Variants in NUDT7 observed in about 807,000 individuals in gnomAD.
NUDT7 encodes the protein peroxisomal coenzyme A diphosphatase NUDT7.
A neutral mutation model predicts 13.1 loss-of-function variants in NUDT7; 19 were observed. That is an observed-to-expected ratio of 1.45 (90% CI 1.01 to 2.13). NUDT7 has a LOEUF of 2.13. Among genes scored for constraint, NUDT7 ranks in the 30% most tolerant of loss-of-function variants. NUDT7 has a pLI of 0.00. For synonymous variants in NUDT7, 132 were observed against 109.7 expected, an observed-to-expected ratio of 1.20 and a Z score of -1.27; for missense variants, 360 against 291.7, an observed-to-expected ratio of 1.23 and a Z score of -1.71.
At chr16:77,732,103 G>A (rs1228628715) in intron 2 of NUDT7, among the ~76,000 whole-genome samples, 3 of 152,118 alleles carry the variant, frequency 2.0e-5, no homozygotes, top group Non-Finnish European at 4.4e-5. Context: ...AAGGTGGAGG[G>A]AACCATCTGA....
chr16:77,738,479 C>T (rs1299145132), intron 3 of NUDT7, among the ~76,000 whole-genome samples: 1 of 152,176 alleles, frequency 6.6e-6, no homozygotes, highest in Non-Finnish European at 1.5e-5. Flanking sequence ...AAATGTATCA[C>T]AAAAATGCCA....
intron 2 of NUDT7, among the ~76,000 whole-genome samples, chr16:77,734,903 G>C (rs908776721): frequency 6.6e-6 from 1 of 152,016 alleles, no homozygotes; most frequent in East Asian, 1.9e-4. Flanking sequence ...AAATATTCTG[G>C]AATGAGATAG....
chr16:77,741,480 G>A (rs1278640125), intron 3 of NUDT7, 102 bp from the exon 4 acceptor site: 52 of 1,230,862 alleles, frequency 4.2e-5, no homozygotes, highest in Non-Finnish European at 5.5e-5. Flanking sequence ...CTTCTCCCAG[G>A]TTCGGTGTAT....
Position 77,727,161 on chromosome 16 carries a change from G to C in NUDT7, c.189+1577G>C, listed in dbSNP as rs60206403. Among the ~76,000 whole-genome samples, 3 of 152,030 alleles carry C rather than the reference G, an allele frequency of 2.0e-5. No homozygotes were observed. The East Asian group carries it at 5.8e-4, about 29-fold the overall frequency. ...GGACTCCAGTTCAACATGAGATTTG[G>C]GCAAGGACAAATATCGAAACTCTAC... On this transcript the variant is annotated intron_variant, in intron 2 of 3. Transcript: ENST00000268533.
chr16:77,722,923 G>A (rs1421074718), intron 1 of NUDT7, among the ~76,000 whole-genome samples: 1 of 152,152 alleles, frequency 6.6e-6, no homozygotes, highest in African/African-American at 2.4e-5. Flanking sequence ...CCCGACAGTG[G>A]CACAGACCCG....
intron 2 of NUDT7, among the ~76,000 whole-genome samples, chr16:77,729,665 A>C (rs1395241574): frequency 1.3e-5 from 2 of 152,196 alleles, no homozygotes; most frequent in South Asian, 4.2e-4. Context: ...ATCTCTACTA[A>C]AAATGCAAAA....
At chr16:77,726,915 A>C (rs1384655660) in intron 2 of NUDT7, among the ~76,000 whole-genome samples, 2 of 151,944 alleles carry the variant, frequency 1.3e-5, no homozygotes, top group Non-Finnish European at 2.9e-5. Context: ...GCATCTGCTC[A>C]GTTTCTGGAA....
At chr16:77,722,763 C>G (rs1314649099) in intron 1 of NUDT7, 146 bp downstream of exon 1, 3 of 731,376 alleles carry the variant, frequency 4.1e-6, no homozygotes, top group Non-Finnish European at 7.1e-6. Context: ...GCACTCGCCT[C>G]CAGCAACCCG....
intron 2 of NUDT7, among the ~76,000 whole-genome samples, chr16:77,732,004 A>G (rs2014332843): frequency 6.6e-6 from 1 of 152,202 alleles, no homozygotes; most frequent in African/African-American, 2.4e-5. Flanking sequence ...GTAAGAAGTA[A>G]TAGTAAGCTA....
At position 77,728,647 on chromosome 16, in the gene NUDT7, C is replaced by T. The variant is rs188567228; in HGVS notation, c.189+3063C>T. Among the ~76,000 whole-genome samples, 462 of 152,312 alleles carry T rather than the reference C, an allele frequency of 3.0e-3. 4 individuals carry two copies. The highest frequency in any genetic ancestry group is 0.011 in the African/African-American group (437 of 41,578). On this transcript the variant is annotated intron_variant, in intron 2 of 3. Coordinates refer to ENST00000268533, the MANE Select transcript of NUDT7 (RefSeq NM_001105663.3). ...CTGAGCCTGAAAGAGATCTGTAAAA[C>T]GCCCAGCACGGCTGCTGGCATGCCA...
chr16:77,730,401 T>G (rs2014284071), intron 2 of NUDT7, among the ~76,000 whole-genome samples: 2 of 152,198 alleles, frequency 1.3e-5, no homozygotes, highest in Non-Finnish European at 2.9e-5. Flanking sequence ...TTATTTTACC[T>G]AACATAATTT....
Position 77,735,817 on chromosome 16 carries a change from T to C in NUDT7, c.190-11T>C. 14 of 1,611,438 alleles carry C rather than the reference T, an allele frequency of 8.7e-6. No individual in the cohort carries two copies. The highest frequency in any genetic ancestry group is 7.6e-6 in the Non-Finnish European group (9 of 1,177,952). On this transcript the variant is annotated splice_polypyrimidine_tract_variant and intron_variant, in intron 2 of 3. Transcript: ENST00000268533. ...AATCCCACATTGTAGCGCTGTTCTT[T>C]CTATATCCAGCTAAGAAGGGCCCCT...
chr16:77,739,514 T>C (rs2014591988), intron 3 of NUDT7, among the ~76,000 whole-genome samples: 2 of 152,202 alleles, frequency 1.3e-5, no homozygotes, highest in African/African-American at 4.8e-5. Flanking sequence ...GCAGTGAGGA[T>C]GACCAGAGGT....
In NUDT7 at chr16:77,741,681, G is replaced by T. The variant is rs1451759173; in HGVS notation, c.448G>T (p.Ala150Ser). ...EVKDVFLVPL[A>S]YFLHPQVHDQ... ...TAAGGATGTATTCCTGGTGCCTCTG[G>T]CCTATTTCCTGCATCCACAGGTCCA... Residue 150 changes from alanine to serine, a missense_variant, in exon 4 of 4, where the codon GCC (alanine) becomes TCC (serine). Physicochemically the swap from Ala to Ser is moderately conservative, Grantham distance 99 (BLOSUM62 1). Coordinates refer to ENST00000268533, the MANE Select transcript of NUDT7 (RefSeq NM_001105663.3). 2.5e-6 allele frequency: 4 copies of T among 1,614,050 alleles called. No homozygotes were observed. In the East Asian group the frequency reaches 8.9e-5, roughly 36 times the overall value.
At chr16:77,724,699 G>A (rs1399489736) in intron 1 of NUDT7, among the ~76,000 whole-genome samples, 2 of 152,198 alleles carry the variant, frequency 1.3e-5, no homozygotes, top group Non-Finnish European at 1.5e-5. Context: ...CAGGGGTGAG[G>A]GGATACTGTT....
chr16:77,737,644 C>G (rs2014532004), intron 3 of NUDT7, among the ~76,000 whole-genome samples: 1 of 152,062 alleles, frequency 6.6e-6, no homozygotes, highest in South Asian at 2.1e-4. Context: ...CATCACCGCG[C>G]CCGGCTAATT....
chr16:77,723,007 ACT>A lies in NUDT7; in HGVS notation c.35+395_35+396del, dbSNP rs2014009765. On this transcript the variant is annotated intron_variant, in intron 1 of 3. Transcript: ENST00000268533. ...GACCTTGGGTCTGTCAGTTTCGTAA[ACT>A]CTCTGAGCCTGGAGGTGACCCTGTG... is the stretch of plus-strand genomic sequence containing the variant. Among the ~76,000 whole-genome samples, 22 of 151,846 alleles carry A rather than the reference ACT, an allele frequency of 1.4e-4. No homozygotes were observed. The South Asian group carries it at 4.4e-3, about 30-fold the overall frequency.
intron 3 of NUDT7, among the ~76,000 whole-genome samples, chr16:77,738,566 G>A (rs758149115): frequency 1.2e-4 from 18 of 152,134 alleles, no homozygotes; most frequent in African/African-American, 4.3e-4. Context: ...GGGGAATTTG[G>A]TAATGTCTGG....
At chr16:77,729,530 C>A (rs1190643644) in intron 2 of NUDT7, among the ~76,000 whole-genome samples, 1 of 151,988 alleles carries the variant, frequency 6.6e-6, no homozygotes, top group African/African-American at 2.4e-5. Context: ...AGCATATTTT[C>A]TTTAAAAAAA....
Sources: allele counts gnomAD v4.1 joint callset (sites outside exome capture counted in the v4.1 genomes callset), GRCh38; gene constraint gnomAD v4.1.1; transcripts MANE v1.5; gene names NCBI Gene and HGNC (gene_info 2026-07-23, HGNC 2026-07-21).